The following MPRIP variants were observed in gnomAD, a reference collection of about 807,000 sequenced individuals.
The protein encoded by MPRIP is myosin phosphatase Rho interacting protein.
Under a neutral mutation model 234.9 loss-of-function variants are expected in MPRIP, and 59 were observed. The ratio of observed to expected loss-of-function variants is 0.25; its 90% CI spans 0.20 to 0.31. The LOEUF is 0.31. Ranked by LOEUF, MPRIP falls within the 10% of genes least tolerant of loss-of-function variation. MPRIP has a pLI of 1.00. For missense variants in MPRIP, 2,436 were observed against 3,071.0 expected, an observed-to-expected ratio of 0.79 and a Z score of 4.89; for synonymous variants, 1,144 against 1,263.9, an observed-to-expected ratio of 0.91 and a Z score of 2.01.
intron 1 of MPRIP, 94 bp downstream of exon 1, chr17:17,043,065 G>T: frequency 7.8e-7 from 1 of 1,281,290 alleles, no homozygotes; most frequent in Non-Finnish European, 1.1e-6. Context: ...AATAAAAATG[G>T]AGCAGGGAAA....
chr17:17,056,242 C>T (rs751139330), intron 1 of MPRIP, among the ~76,000 whole-genome samples: 2 of 152,176 alleles, frequency 1.3e-5, no homozygotes, highest in East Asian at 1.9e-4. Context: ...ATGGGAAGGA[C>T]GGCTTTTTGA....
intron 1 of MPRIP, chr17:17,057,755 C>G: frequency 1.4e-6 from 1 of 714,494 alleles, no homozygotes; most frequent in East Asian, 2.7e-5. Context: ...GACCCCCACC[C>G]GCTGCCCCAT....
chr17:17,126,844 T>A lies in MPRIP; in HGVS notation c.410T>A (p.Ile137Asn), dbSNP rs1275411942. The change falls in exon 4 of 24, where the codon ATC (isoleucine) becomes AAC (asparagine). Residue 137 changes from isoleucine to asparagine, a missense_variant. Physicochemically the swap from Ile to Asn is moderately radical, Grantham distance 149. Around this residue, in one of 4 missense-constraint regions of MPRIP, gnomAD observed 140 missense variants for 207.3 expected, o/e 0.68. Coordinates refer to ENST00000651222, the MANE Select transcript of MPRIP (RefSeq NM_001364716.4). ...EHFIRAETKE[I>N]VSGWLEMLMV... ...TTCATCCGGGCGGAGACCAAGGAGA[T>A]CGTCAGTGGGTGAGTATGCTGGCAC... 6.2e-7 allele frequency: 1 copy of A among 1,613,608 alleles called. No homozygotes were observed.
In MPRIP at chr17:17,078,193, T is replaced by C; in HGVS notation, c.267+117T>C. 1 of 1,089,834 alleles carries C rather than the reference T, an allele frequency of 9.2e-7. No individual in the cohort carries two copies. Among genetic ancestry groups the C allele is most frequent in the East Asian group, 2.5e-5 (1 of 40,474 alleles). 67.5% of individuals were successfully genotyped at this position (1,089,834 alleles called of 1,614,324 possible). On this transcript the variant is annotated intron_variant, in intron 3 of 23. Transcript: ENST00000651222. The surrounding 1 kb of genome is among the most constrained non-coding windows in gnomAD (Gnocchi z 4.3). ...CCATGTGCTCCTGCTTGTGTCTGTT[T>C]GGGAGTGTGGAATGTTTTGAAGAAC...
intron 3 of MPRIP, among the ~76,000 whole-genome samples, chr17:17,086,815 G>A (rs1425255610): frequency 6.6e-6 from 1 of 152,184 alleles, no homozygotes; most frequent in Admixed American, 6.5e-5. Context: ...AGTGGAGCAC[G>A]TAGAGGTCGG....
rs1461711515 is a variant in MPRIP, at chr17:17,164,787, AAGG to A, written c.3199_3201del (p.Glu1067del). The A allele has an allele frequency of 3.1e-6, 4 of 1,304,192 alleles. No individual in the cohort carries two copies. Among genetic ancestry groups the A allele is most frequent in the Non-Finnish European group, 4.0e-6 (4 of 988,922 alleles). 80.8% of individuals were successfully genotyped at this position (1,304,192 alleles called of 1,614,324 possible). A position where few individuals can be genotyped will look rare whatever the true frequency, so the allele number is the denominator to read the frequency against. ...GGCACAGCAGGTGGAGACCCTGCAG[AAGG>A]AGAAGCTGAGCGCCACTTTCGAGGG... is the stretch of plus-strand genomic sequence containing the variant. On this transcript the variant is annotated inframe_deletion, in exon 16 of 24. Transcript: ENST00000651222.
intron 1 of MPRIP, among the ~76,000 whole-genome samples, chr17:17,057,178 T>C (rs929323926): frequency 6.6e-6 from 1 of 152,176 alleles, no homozygotes; most frequent in Non-Finnish European, 1.5e-5. Flanking sequence ...GGGAGGGCTA[T>C]GGGTGGGTCC....
At chr17:17,102,902 AC>A (rs2089992046) in intron 3 of MPRIP, among the ~76,000 whole-genome samples, 1 of 152,126 alleles carries the variant, frequency 6.6e-6, no homozygotes, top group Admixed American at 6.5e-5. Context: ...CCAAACCTGC[AC>A]CCTTCTGGGG....
chr17:17,081,222 T>C (rs983317702), intron 3 of MPRIP, among the ~76,000 whole-genome samples: 7 of 152,240 alleles, frequency 4.6e-5, no homozygotes, highest in East Asian at 3.8e-4. Flanking sequence ...TTGAGTGTTA[T>C]CTTGCCAACT....
chr17:17,049,554 T>C (rs957749722), intron 1 of MPRIP, among the ~76,000 whole-genome samples: 4 of 151,922 alleles, frequency 2.6e-5, no homozygotes, highest in African/African-American at 9.7e-5. Context: ...TCTTTTATCC[T>C]GGGGAACTCC....
intron 3 of MPRIP, among the ~76,000 whole-genome samples, chr17:17,116,869 C>T (rs1029270467): frequency 6.6e-5 from 10 of 152,240 alleles, no homozygotes; most frequent in Admixed American, 6.5e-4. Flanking sequence ...CCCCAGGGCC[C>T]CAAGGCAAGG....
chr17:17,064,647 C>T (rs1235832190), intron 1 of MPRIP, among the ~76,000 whole-genome samples: 2 of 152,184 alleles, frequency 1.3e-5, no homozygotes, highest in Non-Finnish European at 2.9e-5. Context: ...ATCATACAAC[C>T]TGGAACCTTT....
intron 3 of MPRIP, among the ~76,000 whole-genome samples, chr17:17,082,285 A>G (rs1162738914): frequency 1.1e-5 from 1 of 88,702 alleles, no homozygotes; most frequent in Non-Finnish European, 2.0e-5. Flanking sequence ...GCTTTTTCCA[A>G]TTTTTTTTTT....
chr17:17,069,843 G>A (rs765044864), intron 1 of MPRIP, among the ~76,000 whole-genome samples: 6 of 151,962 alleles, frequency 3.9e-5, no homozygotes, highest in Non-Finnish European at 8.8e-5. Context: ...TTATTTTACT[G>A]TGTTCTTTCT....
intron 17 of MPRIP, among the ~76,000 whole-genome samples, chr17:17,172,185 C>G (rs1285939121): frequency 1.3e-5 from 2 of 152,268 alleles, no homozygotes; most frequent in Non-Finnish European, 2.9e-5. Flanking sequence ...GACTTTCCCC[C>G]TGACAGACAC....
intron 20 of MPRIP, 89 bp downstream of exon 20, chr17:17,175,501 T>A: frequency 7.0e-7 from 1 of 1,425,146 alleles, no homozygotes; most frequent in South Asian, 1.5e-5. Context: ...TACAGGGTTG[T>A]GGGAGGAACA....
intron 1 of MPRIP, among the ~76,000 whole-genome samples, chr17:17,050,630 C>G (rs2088509678): frequency 6.6e-6 from 1 of 152,190 alleles, no homozygotes; most frequent in South Asian, 2.1e-4. Flanking sequence ...GTTTGTGTCC[C>G]CACTCCTCCT....
chr17:17,150,164 A>G lies in MPRIP; in HGVS notation c.1650A>G (p.Glu550=). The change falls in exon 12 of 24, where the codon GAA becomes GAG. Residue 550 remains glutamate (E), a synonymous_variant. Coordinates refer to ENST00000651222, the MANE Select transcript of MPRIP (RefSeq NM_001364716.4). ...VAEEAADLDG[E]IDLSACYDVT... Reference sequence around the variant, plus strand: ...GGCAGGCAGCCGACTTGGATGGAGAAATTGACTTGTCCGCATGTTACGATG... The same window carrying G: ...GGCAGGCAGCCGACTTGGATGGAGAGATTGACTTGTCCGCATGTTACGATG... 1 of 1,613,818 alleles carries G rather than the reference A, an allele frequency of 6.2e-7. No individual in the cohort carries two copies. Among genetic ancestry groups the G allele is most frequent in the Non-Finnish European group, 8.5e-7 (1 of 1,179,896 alleles).
chr17:17,098,797 C>T (rs1035122243), intron 3 of MPRIP, among the ~76,000 whole-genome samples: 5 of 152,106 alleles, frequency 3.3e-5, no homozygotes, highest in African/African-American at 1.2e-4. Flanking sequence ...GCCTGAGGCC[C>T]CTGGAGCTTT....
Sources: gnomAD v4.1 joint callset for allele counts (sites outside exome capture counted in the v4.1 genomes callset) on GRCh38, gnomAD v4.1.1 for gene constraint, gnomAD v4.1.1 regional missense constraint, Gnocchi (gnomAD v3.1) non-coding constraint, MANE v1.5 for transcripts, NCBI Gene and HGNC (gene_info 2026-07-23, HGNC 2026-07-21) for gene names.